ZNF503: variants seen among roughly 807,000 people sequenced by gnomAD.
The protein encoded by ZNF503 is NocA-like zinc finger 2.
A neutral mutation model predicts 34.4 loss-of-function variants in ZNF503; 15 were observed. The observed-to-expected ratio is 0.44, with a 90% CI of 0.29 to 0.67. The LOEUF (loss-of-function observed/expected upper bound fraction) is 0.67, where lower values mean the gene tolerates loss of function less well. Ranked by LOEUF, ZNF503 falls within the 30% of genes least tolerant of loss-of-function variation. The pLI is 0.13. For missense variants in ZNF503, 1,007 were observed against 926.8 expected (o/e 1.09, Z -1.12); for synonymous variants, 580 against 456.8 (o/e 1.27, Z -3.44).
intron 1 of ZNF503, 92 bp downstream of exon 1, chr10:75,401,013 C>A (rs751436715): frequency 1.1e-5 from 17 of 1,557,766 alleles, no homozygotes; most frequent in Non-Finnish European, 1.4e-5. Context: ...CACTCCGACC[C>A]CCCCACCTCC....
At chr10:75,307,683 A>T in the ZNF503 span, among the ~76,000 whole-genome samples, 1 of 152,260 alleles carries the variant, frequency 6.6e-6, no homozygotes, top group Non-Finnish European at 1.5e-5. Flanking sequence ...CAAAGCTTCA[A>T]AGGAAAGGCA....
At chr10:75,340,134 A>T in the ZNF503 span, among the ~76,000 whole-genome samples, 30 of 23,776 alleles carry the variant, frequency 1.3e-3, no homozygotes, top group Non-Finnish European at 1.9e-3. Context: ...GGATCACCTG[A>T]ATGGGGGCCT....
Position 75,398,619 on chromosome 10 carries a change from T to C in ZNF503, c.*130A>G, listed in dbSNP as rs538172238. On this transcript the variant is annotated 3_prime_UTR_variant, in exon 2 of 2. Transcript: ENST00000372524. ...GTCGGGTAGATAGATACGGTATACA[T>C]TTCTTTCCTTTCGTGGCCCGAGTCC... 42 of 828,982 alleles carry C rather than the reference T, an allele frequency of 5.1e-5. No homozygotes were observed. In the African/African-American group the frequency reaches 7.1e-4, roughly 14 times the overall value. The allele number at this position is 828,982 out of a possible 1,614,324, so 51.4% of individuals were successfully genotyped here.
chr10:75,339,911 A>G, the ZNF503 span, among the ~76,000 whole-genome samples: 2 of 152,038 alleles, frequency 1.3e-5, no homozygotes, highest in Admixed American at 1.3e-4. Flanking sequence ...AACAAGTGAC[A>G]TAGATTTAAA....
the ZNF503 span, among the ~76,000 whole-genome samples, chr10:75,293,971 G>A: frequency 6.6e-6 from 1 of 152,164 alleles, no homozygotes; most frequent in African/African-American, 2.4e-5. Context: ...ACAGTGGGGA[G>A]TGGGCCTGGC....
the ZNF503 span, among the ~76,000 whole-genome samples, chr10:75,364,503 A>G: frequency 1.3e-5 from 2 of 152,188 alleles, no homozygotes; most frequent in Non-Finnish European, 2.9e-5. Context: ...AGAAAAGGAC[A>G]CTAGCTTGGT....
the ZNF503 span, among the ~76,000 whole-genome samples, chr10:75,390,812 C>T: frequency 2.0e-5 from 3 of 152,134 alleles, no homozygotes; most frequent in African/African-American, 4.8e-5. Context: ...GACAAAATAC[C>T]ATAGACTGAG....
rs998474966 is a variant in ZNF503 at position 75,400,207 on chromosome 10, G to A, written c.483C>T (p.Pro161=). 5 of 1,602,690 alleles carry A rather than the reference G, an allele frequency of 3.1e-6. No homozygotes were observed. Among genetic ancestry groups the A allele is most frequent in the African/African-American group, 1.3e-5 (1 of 74,772 alleles). ...AAGDKDTKSG[P]LKLSDIGVED... ...CCACGCCGATGTCGCTCAGCTTCAGGGGGCCCGATTTGGTGTCCTTGTCGC... is the reference window on the plus strand; with the variant it reads ...CCACGCCGATGTCGCTCAGCTTCAGAGGGCCCGATTTGGTGTCCTTGTCGC... Residue 161 remains proline (P), a synonymous_variant, in exon 2 of 2, where the codon CCC becomes CCT. Transcript: ENST00000372524.
chr10:75,329,259 T>C, the ZNF503 span, among the ~76,000 whole-genome samples: 2 of 152,194 alleles, frequency 1.3e-5, no homozygotes, highest in Non-Finnish European at 2.9e-5. Flanking sequence ...GTGTTGATTT[T>C]GTATCCTGCA....
chr10:75,392,105 C>A, the ZNF503 span, among the ~76,000 whole-genome samples: 1 of 152,202 alleles, frequency 6.6e-6, no homozygotes, highest in Non-Finnish European at 1.5e-5. Flanking sequence ...GGGACCAGCA[C>A]AGTGTTACTT....
the ZNF503 span, among the ~76,000 whole-genome samples, chr10:75,294,439 C>T: frequency 2.0e-5 from 3 of 152,198 alleles, no homozygotes; most frequent in African/African-American, 7.2e-5. Flanking sequence ...GCTTTCGATC[C>T]TAGTTCCACA....
At chr10:75,353,188 T>C in the ZNF503 span, among the ~76,000 whole-genome samples, 2 of 152,214 alleles carry the variant, frequency 1.3e-5, no homozygotes, top group Admixed American at 6.5e-5. Context: ...GAAAAGGCAT[T>C]GTTTACTGAT....
the ZNF503 span, among the ~76,000 whole-genome samples, chr10:75,355,167 A>G: frequency 1.3e-5 from 2 of 152,212 alleles, no homozygotes; most frequent in Non-Finnish European, 2.9e-5. Context: ...TCGTGAAGCC[A>G]AAGCTTCAAT....
the ZNF503 span, among the ~76,000 whole-genome samples, chr10:75,340,259 T>C: frequency 1.2e-4 from 18 of 152,074 alleles, no homozygotes; most frequent in African/African-American, 4.1e-4. Flanking sequence ...ATAACAACAA[T>C]AATAATAATA....
the ZNF503 span, among the ~76,000 whole-genome samples, chr10:75,333,017 G>T: frequency 2.0e-5 from 3 of 146,658 alleles, no homozygotes; most frequent in East Asian, 6.3e-4. Flanking sequence ...GGTGGTGGCC[G>T]GGCAGAGGGG....
At chr10:75,352,010 A>G in the ZNF503 span, among the ~76,000 whole-genome samples, 1 of 150,582 alleles carries the variant, frequency 6.6e-6, no homozygotes, top group Non-Finnish European at 1.5e-5. Context: ...CTAAGTGTTC[A>G]TTCTAGTCCC....
the ZNF503 span, among the ~76,000 whole-genome samples, chr10:75,377,458 T>A: frequency 1.1e-3 from 166 of 151,666 alleles, 1 homozygote; most frequent in Middle Eastern, 3.4e-3. Flanking sequence ...GGCTGGGGAG[T>A]TTTTCAGGGT....
At chr10:75,338,771 A>G in the ZNF503 span, among the ~76,000 whole-genome samples, 1 of 152,234 alleles carries the variant, frequency 6.6e-6, no homozygotes, top group Non-Finnish European at 1.5e-5. Context: ...TGTGGGAATC[A>G]TCCATTCTTT....
the ZNF503 span, among the ~76,000 whole-genome samples, chr10:75,293,132 T>C: frequency 6.6e-6 from 1 of 152,156 alleles, no homozygotes; most frequent in Admixed American, 6.5e-5. Context: ...AGCTGGCCTG[T>C]AGGGGCAGTT....
Sources: allele counts gnomAD v4.1 joint callset (sites outside exome capture counted in the v4.1 genomes callset), GRCh38; gene constraint gnomAD v4.1.1; transcripts MANE v1.5; gene names NCBI Gene and HGNC (gene_info 2026-07-23, HGNC 2026-07-21).